The following SLC24A3 variants were observed in gnomAD, a reference collection of about 807,000 sequenced individuals.
The protein encoded by SLC24A3 is solute carrier family 24 member 3.
In SLC24A3, 28 loss-of-function variants were observed where a neutral mutation model predicts 75.8. That is an observed-to-expected ratio of 0.37 (90% CI 0.27 to 0.51). The LOEUF is 0.51. SLC24A3 is among the 20% of genes least tolerant of loss of function. The pLI, the probability that SLC24A3 is intolerant of heterozygous loss-of-function variation, is 0.94. For missense variants in SLC24A3, 663 were observed against 847.8 expected (o/e 0.78, Z 2.71); for synonymous variants, 372 against 334.1 (o/e 1.11, Z -1.24).
chr20:19,589,293 C>A, intron 6 of SLC24A3, among the ~76,000 whole-genome samples: 1 of 152,256 alleles, frequency 6.6e-6, no homozygotes, highest in Non-Finnish European at 1.5e-5. Flanking sequence ...GACAGTTTAA[C>A]TGGAGAGCCA....
intron 2 of SLC24A3, among the ~76,000 whole-genome samples, chr20:19,311,901 G>C (rs148700961): frequency 6.6e-6 from 1 of 151,954 alleles, no homozygotes; most frequent in African/African-American, 2.4e-5. Flanking sequence ...CATGGCTGCC[G>C]GTGCTGTGTG....
intron 2 of SLC24A3, among the ~76,000 whole-genome samples, chr20:19,316,403 T>C (rs1984587559): frequency 6.6e-6 from 1 of 152,226 alleles, no homozygotes; most frequent in Admixed American, 6.5e-5. Flanking sequence ...AGCCACTGGG[T>C]CAGGGTGTAG....
chr20:19,312,495 ACCT>A (rs1235624012), intron 2 of SLC24A3, among the ~76,000 whole-genome samples: 1 of 151,874 alleles, frequency 6.6e-6, no homozygotes, highest in Non-Finnish European at 1.5e-5. Flanking sequence ...TTCTCCACTT[ACCT>A]CCTCCAGCCA....
chr20:19,427,652 C>T (rs1987034607), intron 2 of SLC24A3, among the ~76,000 whole-genome samples: 1 of 152,182 alleles, frequency 6.6e-6, no homozygotes, highest in African/African-American at 2.4e-5. Context: ...CGTGCCTCTG[C>T]CTATTACAGG....
At chr20:19,238,619 T>G (rs1432332002) in intron 1 of SLC24A3, among the ~76,000 whole-genome samples, 1 of 152,180 alleles carries the variant, frequency 6.6e-6, no homozygotes, top group Non-Finnish European at 1.5e-5. Flanking sequence ...AACTTCACAG[T>G]CACATTTATT....
chr20:19,337,860 T>G (rs1293141295), intron 2 of SLC24A3, among the ~76,000 whole-genome samples: 1 of 152,128 alleles, frequency 6.6e-6, no homozygotes, highest in Non-Finnish European at 1.5e-5. Context: ...GTTGGCTGGC[T>G]TTTGGCTGGC....
chr20:19,513,774 G>T (rs77515979), intron 2 of SLC24A3, among the ~76,000 whole-genome samples: 2 of 148,078 alleles, frequency 1.4e-5, no homozygotes, highest in Non-Finnish European at 3.0e-5. Context: ...TATTATTGAC[G>T]TATAAAAATT....
chr20:19,679,483 G>A (rs1271597011), intron 9 of SLC24A3, among the ~76,000 whole-genome samples: 1 of 147,136 alleles, frequency 6.8e-6, no homozygotes, highest in South Asian at 2.2e-4. Context: ...GGCATCAGAG[G>A]GAGACCGTGG....
chr20:19,451,130 A>G (rs1987473070), intron 2 of SLC24A3, among the ~76,000 whole-genome samples: 1 of 152,176 alleles, frequency 6.6e-6, no homozygotes, highest in Non-Finnish European at 1.5e-5. Flanking sequence ...TGATTTATGT[A>G]TTTTTCTTGT....
At chr20:19,371,249 G>A (rs1185737852) in intron 2 of SLC24A3, among the ~76,000 whole-genome samples, 1 of 152,196 alleles carries the variant, frequency 6.6e-6, no homozygotes, top group Non-Finnish European at 1.5e-5. Context: ...AGGGGAGGAT[G>A]CTAATTCCAG....
chr20:19,627,893 G>A (rs1478541331), intron 6 of SLC24A3, among the ~76,000 whole-genome samples: 1 of 152,088 alleles, frequency 6.6e-6, no homozygotes, highest in Non-Finnish European at 1.5e-5. Context: ...ATGTAAATCA[G>A]TCACTGAGAA....
chr20:19,378,464 G>A (rs1299869850), intron 2 of SLC24A3, among the ~76,000 whole-genome samples: 3 of 152,172 alleles, frequency 2.0e-5, no homozygotes, highest in African/African-American at 4.8e-5. Flanking sequence ...AAGTAAATGT[G>A]ATCTGGTTGA....
At chr20:19,281,389 T>C (rs1317945490) in intron 2 of SLC24A3, among the ~76,000 whole-genome samples, 1 of 152,060 alleles carries the variant, frequency 6.6e-6, no homozygotes, top group East Asian at 1.9e-4. Context: ...AGGAGCAGGA[T>C]GGGTGAGGAT....
At chr20:19,607,487 T>TG (rs1456963258) in intron 6 of SLC24A3, among the ~76,000 whole-genome samples, 1 of 152,186 alleles carries the variant, frequency 6.6e-6, no homozygotes, top group Non-Finnish European at 1.5e-5. Context: ...AGGCTCCAAT[T>TG]GGGGGTCTAA....
At chr20:19,401,038 T>G (rs1287846255) in intron 2 of SLC24A3, among the ~76,000 whole-genome samples, 1 of 152,196 alleles carries the variant, frequency 6.6e-6, no homozygotes, top group African/African-American at 2.4e-5. Context: ...ATCGAGTGTG[T>G]GAGTTGCTCA....
chr20:19,233,698 G>A (rs1447345768), intron 1 of SLC24A3, among the ~76,000 whole-genome samples: 1 of 152,222 alleles, frequency 6.6e-6, no homozygotes, highest in Non-Finnish European at 1.5e-5. Context: ...ACTTCATGAT[G>A]CTCCTGCATC....
intron 2 of SLC24A3, among the ~76,000 whole-genome samples, chr20:19,450,554 A>G (rs1259294526): frequency 6.6e-6 from 1 of 152,128 alleles, no homozygotes; most frequent in African/African-American, 2.4e-5. Flanking sequence ...CCCCCTCACA[A>G]TATGCTAATT....
At chr20:19,599,094 A>T (rs1358219681) in intron 6 of SLC24A3, among the ~76,000 whole-genome samples, 2 of 152,062 alleles carry the variant, frequency 1.3e-5, no homozygotes, top group Non-Finnish European at 2.9e-5. Flanking sequence ...TTCTTTCTTC[A>T]TTGTACATAT....
chr20:19,400,900 G>A (rs1326197353), intron 2 of SLC24A3, among the ~76,000 whole-genome samples: 1 of 151,988 alleles, frequency 6.6e-6, no homozygotes, highest in Non-Finnish European at 1.5e-5. Flanking sequence ...ATTTATTTTT[G>A]GTTGTTTAAT....
Sources: gnomAD v4.1 joint callset for allele counts (sites outside exome capture counted in the v4.1 genomes callset) on GRCh38, gnomAD v4.1.1 for gene constraint, MANE v1.5 for transcripts, NCBI Gene and HGNC (gene_info 2026-07-23, HGNC 2026-07-21) for gene names.